The following TACR1 variants were observed in gnomAD, a reference collection of about 807,000 sequenced individuals.
TACR1 encodes the protein tachykinin receptor 1.
A neutral mutation model predicts 35.8 loss-of-function variants in TACR1; 25 were observed. The observed-to-expected ratio is 0.70, with a 90% CI of 0.51 to 0.98. The LOEUF is 0.98. Among genes scored for constraint, TACR1 ranks in the 50% least tolerant of loss-of-function variants. TACR1 has a pLI of 0.00. For missense variants in TACR1, 478 were observed against 522.9 expected (o/e 0.91, Z 0.84); for synonymous variants, 195 against 206.7 (o/e 0.94, Z 0.48).
chr2:75,082,143 T>A (rs536186220), intron 2 of TACR1, among the ~76,000 whole-genome samples: 1 of 152,210 alleles, frequency 6.6e-6, no homozygotes, highest in African/African-American at 2.4e-5. Flanking sequence ...ATTGTTCAAT[T>A]CCCATCTATG....
intron 2 of TACR1, among the ~76,000 whole-genome samples, chr2:75,094,667 G>A (rs1572926636): frequency 1.3e-5 from 2 of 151,636 alleles, no homozygotes; most frequent in South Asian, 4.2e-4. Flanking sequence ...TGGTGATAGA[G>A]GTGGAGGTGG....
At chr2:75,190,643 C>A (rs865972803) in intron 1 of TACR1, among the ~76,000 whole-genome samples, 3 of 152,282 alleles carry the variant, frequency 2.0e-5, no homozygotes, top group African/African-American at 7.2e-5. Context: ...CTTTTCAAAT[C>A]TTTCCCTCTC....
chr2:75,196,832 A>G (rs79169586), intron 1 of TACR1, among the ~76,000 whole-genome samples: 2,386 of 152,262 alleles, frequency 0.016, 28 homozygotes, highest in Admixed American at 0.043. Context: ...GAAAAAGCAA[A>G]CAAACAAACA....
intron 2 of TACR1, among the ~76,000 whole-genome samples, chr2:75,113,064 A>G (rs2103891742): frequency 6.6e-6 from 1 of 152,306 alleles, no homozygotes; most frequent in South Asian, 2.1e-4. Context: ...TGAAGAGCTT[A>G]TAAGAGTATT....
chr2:75,053,225 G>A (rs541024309), intron 3 of TACR1, among the ~76,000 whole-genome samples: 16 of 152,200 alleles, frequency 1.1e-4, no homozygotes, highest in South Asian at 2.1e-4. Context: ...CCCCTGATCC[G>A]TTCTTCATCA....
At chr2:75,051,549 A>G in intron 3 of TACR1, 102 bp from the exon 4 acceptor site, 1 of 1,534,412 alleles carries the variant, frequency 6.5e-7, no homozygotes, top group Non-Finnish European at 8.8e-7. Flanking sequence ...TATGGGATGA[A>G]GCGAGAAGTA....
At chr2:75,103,079 C>T (rs1367218127) in intron 2 of TACR1, among the ~76,000 whole-genome samples, 5 of 152,056 alleles carry the variant, frequency 3.3e-5, no homozygotes, top group Non-Finnish European at 5.9e-5. Context: ...TCATGTGGGT[C>T]GTATCTATCA....
At chr2:75,121,270 G>A (rs1673966309) in intron 1 of TACR1, among the ~76,000 whole-genome samples, 1 of 152,196 alleles carries the variant, frequency 6.6e-6, no homozygotes, top group Non-Finnish European at 1.5e-5. Context: ...CTGTGACAAA[G>A]CATTGGCCTA....
At chr2:75,152,129 G>A (rs944920148) in intron 1 of TACR1, among the ~76,000 whole-genome samples, 21 of 152,124 alleles carry the variant, frequency 1.4e-4, no homozygotes, top group Admixed American at 9.8e-4. Context: ...ATGAGACTTC[G>A]GACTGTGGGT....
At chr2:75,170,764 C>T (rs1286638824) in intron 1 of TACR1, among the ~76,000 whole-genome samples, 1 of 152,100 alleles carries the variant, frequency 6.6e-6, no homozygotes, top group Non-Finnish European at 1.5e-5. Context: ...AGCATTTTGC[C>T]CTTGCCCTAG....
intron 1 of TACR1, among the ~76,000 whole-genome samples, chr2:75,156,883 G>C (rs1426751384): frequency 6.6e-6 from 1 of 152,212 alleles, no homozygotes; most frequent in Non-Finnish European, 1.5e-5. Flanking sequence ...ATGAAGTAAA[G>C]AGATAGTGAA....
intron 2 of TACR1, among the ~76,000 whole-genome samples, chr2:75,064,052 T>TG (rs1335993840): frequency 1.3e-5 from 2 of 150,794 alleles, no homozygotes; most frequent in Non-Finnish European, 2.9e-5. Context: ...TTGGACCTCA[T>TG]GGCCCCCTTA....
chr2:75,054,161 C>T (rs1398767765), intron 2 of TACR1, among the ~76,000 whole-genome samples: 1 of 152,178 alleles, frequency 6.6e-6, no homozygotes, highest in African/African-American at 2.4e-5. Flanking sequence ...GAAGTATAGT[C>T]TCTGAATGAA....
chr2:75,070,903 C>T (rs779968838), intron 2 of TACR1, among the ~76,000 whole-genome samples: 4 of 152,016 alleles, frequency 2.6e-5, no homozygotes, highest in Non-Finnish European at 4.4e-5. Context: ...CAAAGCAAGT[C>T]GCCATCTGTT....
intron 2 of TACR1, among the ~76,000 whole-genome samples, chr2:75,063,719 T>C (rs1304247603): frequency 6.6e-6 from 1 of 152,212 alleles, no homozygotes; most frequent in South Asian, 2.1e-4. Context: ...CCTTTATCTA[T>C]GGCAGTACAA....
chr2:75,196,356 TAGA>T (rs1675974449), intron 1 of TACR1, among the ~76,000 whole-genome samples: 1 of 151,892 alleles, frequency 6.6e-6, no homozygotes, highest in South Asian at 2.1e-4. Context: ...CAAGAAAAAA[TAGA>T]AGGAGCACTT....
At chr2:75,128,585 A>G (rs1344086116) in intron 1 of TACR1, among the ~76,000 whole-genome samples, 4 of 152,184 alleles carry the variant, frequency 2.6e-5, no homozygotes, top group African/African-American at 9.7e-5. Flanking sequence ...ATTCACAATA[A>G]AATGCTACCC....
intron 2 of TACR1, among the ~76,000 whole-genome samples, chr2:75,096,584 T>A (rs1673429897): frequency 6.6e-6 from 1 of 152,238 alleles, no homozygotes; most frequent in Non-Finnish European, 1.5e-5. Context: ...AGAGCAGATG[T>A]GTAAACGACA....
chr2:75,057,558 A>C (rs543104767), intron 2 of TACR1, among the ~76,000 whole-genome samples: 2 of 152,388 alleles, frequency 1.3e-5, no homozygotes, highest in Non-Finnish European at 2.9e-5. Context: ...ACATTCTGCT[A>C]ACTGAATAAG....
Sources: allele counts gnomAD v4.1 joint callset (sites outside exome capture counted in the v4.1 genomes callset), GRCh38; gene constraint gnomAD v4.1.1; transcripts MANE v1.5; gene names NCBI Gene and HGNC (gene_info 2026-07-23, HGNC 2026-07-21).